The following POLH variants were observed in gnomAD, a reference collection of about 807,000 sequenced individuals.
POLH encodes DNA polymerase eta transcript.
POLH carries 53 observed loss-of-function variants against 73.6 expected under a neutral mutation model. That is an observed-to-expected ratio of 0.72 (90% CI 0.58 to 0.91). POLH has a LOEUF of 0.91. Ranked by LOEUF, POLH falls within the 40% of genes least tolerant of loss-of-function variation. The pLI is 0.00. For synonymous variants in POLH, 292 were observed against 308.5 expected, an observed-to-expected ratio of 0.95 and a Z score of 0.56; for missense variants, 768 against 865.4, an observed-to-expected ratio of 0.89 and a Z score of 1.41.
intron 10 of POLH, 92 bp from the exon 11 acceptor site, chr6:43,613,568 A>G: frequency 9.3e-7 from 1 of 1,080,598 alleles, no homozygotes; most frequent in Non-Finnish European, 1.4e-6. Context: ...CCTATGGTGA[A>G]ATAAAACAGA....
chr6:43,604,818 T>C (rs1582309626), intron 8 of POLH, 80 bp downstream of exon 8: 1 of 1,449,692 alleles, frequency 6.9e-7, no homozygotes, highest in Non-Finnish European at 9.7e-7. Context: ...GAAGGTTTAA[T>C]AGGTTAGAGG....
At position 43,615,904 on chromosome 6, in the gene POLH, C is replaced by T. The variant is rs149324075; in HGVS notation, c.*1347C>T. Among the ~76,000 whole-genome samples, 2 of 152,064 alleles carry T rather than the reference C, an allele frequency of 1.3e-5. No homozygotes were observed. Among genetic ancestry groups the T allele is most frequent in the East Asian group, 2.0e-4 (1 of 5,068 alleles). Reference sequence around the variant, plus strand: ...GCCAGGATGGTCTCGATTGCTTGACCTCATGATCCGCCTGCCTCGACCTCC... The same window carrying T: ...GCCAGGATGGTCTCGATTGCTTGACTTCATGATCCGCCTGCCTCGACCTCC... On this transcript the variant is annotated 3_prime_UTR_variant, in exon 11 of 11. Coordinates refer to ENST00000372236, the MANE Select transcript of POLH (RefSeq NM_006502.3).
rs1764948624 is a variant in POLH at position 43,587,416 on chromosome 6, A to T, written c.417A>T (p.Ala139=). The T allele has an allele frequency of 2.5e-6, 4 of 1,614,234 alleles. No homozygotes were observed. The highest frequency in any genetic ancestry group is 3.4e-6 in the Non-Finnish European group (4 of 1,180,032). Residue 139 remains alanine, a synonymous_variant, in exon 4 of 11, where the codon GCA becomes GCT. Coordinates refer to ENST00000372236, the MANE Select transcript of POLH (RefSeq NM_006502.3). ...LQKLQGQPIS[A]DLLPSTYIEG... is the part of the protein sequence containing the mutation. ...AGCTACAAGGTCAGCCTATCTCGGC[A>T]GACTTGTTGCCAAGCACTTACATTG...
intron 6 of POLH, among the ~76,000 whole-genome samples, chr6:43,603,148 C>T (rs1012670538): frequency 2.0e-5 from 3 of 151,798 alleles, no homozygotes; most frequent in Non-Finnish European, 4.4e-5. Context: ...AGCACAGGCA[C>T]ATGCCACCAT....
At chr6:43,602,746 T>A (rs1167667751) in intron 6 of POLH, among the ~76,000 whole-genome samples, 1 of 151,294 alleles carries the variant, frequency 6.6e-6, no homozygotes, top group East Asian at 2.0e-4. Context: ...TGGCTCACTG[T>A]AGCCTCCACC....
rs920714516 is a variant in POLH, at chr6:43,617,496, G to A, written c.*2939G>A. Reference sequence around the variant, plus strand: ...ACAAAAATTAGGTGTGTGTGGTGACGCATGCGTGTAATCCCAGCTACTTAG... The same window carrying A: ...ACAAAAATTAGGTGTGTGTGGTGACACATGCGTGTAATCCCAGCTACTTAG... On this transcript the variant is annotated 3_prime_UTR_variant, in exon 11 of 11. Coordinates refer to ENST00000372236, the MANE Select transcript of POLH (RefSeq NM_006502.3). Among the ~76,000 whole-genome samples, 2 of 151,950 alleles carry A rather than the reference G, an allele frequency of 1.3e-5. No individual in the cohort carries two copies. The highest frequency in any genetic ancestry group is 1.9e-4 in the East Asian group (1 of 5,164).
chr6:43,583,211 G>T, intron 3 of POLH, 70 bp downstream of exon 3: 1 of 1,421,092 alleles, frequency 7.0e-7, no homozygotes, highest in Non-Finnish European at 9.9e-7. Flanking sequence ...CTAGGAACTG[G>T]TGTTTTGAAT....
Position 43,612,056 on chromosome 6 carries a change from CCAA to C in POLH, c.1244+1349_1244+1351del, listed in dbSNP as rs966030217. On this transcript the variant is annotated intron_variant, in intron 10 of 10. Coordinates refer to ENST00000372236, the MANE Select transcript of POLH (RefSeq NM_006502.3). Reference sequence around the variant, plus strand: ...GGGCAACAAGAGCGAAATTCCGTCTCCAACAACAACAACAACAAATAAATAAAT... The same window carrying C: ...GGGCAACAAGAGCGAAATTCCGTCTCCAACAACAACAACAAATAAATAAAT... Among the ~76,000 whole-genome samples the C allele has an allele frequency of 1.3e-4, 20 of 151,850 alleles. No homozygotes were observed. The South Asian group carries it at 2.7e-3, about 21-fold the overall frequency.
intron 4 of POLH, among the ~76,000 whole-genome samples, chr6:43,589,643 T>G (rs1765221258): frequency 6.6e-6 from 1 of 151,874 alleles, no homozygotes; most frequent in Non-Finnish European, 1.5e-5. Context: ...TTGTCTTTTT[T>G]TTTTTTTTGA....
rs1768173295 is a variant in POLH at position 43,614,216 on chromosome 6, A to G, written c.1801A>G (p.Ser601Gly). The G allele has an allele frequency of 6.2e-7, 1 of 1,612,304 alleles. No individual in the cohort carries two copies. Among genetic ancestry groups the G allele is most frequent in the Non-Finnish European group, 8.5e-7 (1 of 1,178,484 alleles). Reference sequence around the variant, plus strand: ...TGCAGAGATGGATTTGGCCCACAACAGCCAAAGCATGCACGCCTCTTCAGC... The same window carrying G: ...TGCAGAGATGGATTTGGCCCACAACGGCCAAAGCATGCACGCCTCTTCAGC... ...TPAEMDLAHN[S>G]QSMHASSASK... Residue 601 changes from serine to glycine, a missense_variant, in exon 11 of 11, where the codon AGC becomes GGC. By Grantham distance (56) the Ser-to-Gly change is moderately conservative. Transcript: ENST00000372236.
At chr6:43,609,232 C>T (rs1311795020) in intron 9 of POLH, among the ~76,000 whole-genome samples, 4 of 152,146 alleles carry the variant, frequency 2.6e-5, no homozygotes, top group African/African-American at 7.2e-5. Context: ...TCTATAGTTC[C>T]TACTACAACA....
intron 4 of POLH, among the ~76,000 whole-genome samples, chr6:43,588,930 C>T (rs1429263618): frequency 2.0e-5 from 3 of 151,908 alleles, no homozygotes; most frequent in African/African-American, 7.3e-5. Context: ...CTCCGCCTCC[C>T]GGGTTCACGC....
Position 43,617,842 on chromosome 6 carries a change from C to T in POLH, c.*3285C>T, listed in dbSNP as rs1233106930. On this transcript the variant is annotated 3_prime_UTR_variant, in exon 11 of 11. Coordinates refer to ENST00000372236, the MANE Select transcript of POLH (RefSeq NM_006502.3). Reference sequence around the variant, plus strand: ...AGGCTGAGGCAGAAGAATTGCTTGACCTGGGAGGCGGAGCTTGCAGTGAGC... The same window carrying T: ...AGGCTGAGGCAGAAGAATTGCTTGATCTGGGAGGCGGAGCTTGCAGTGAGC... Among the ~76,000 whole-genome samples, 3 of 152,156 alleles carry T rather than the reference C, an allele frequency of 2.0e-5. No homozygotes were observed. The highest frequency in any genetic ancestry group is 4.4e-5 in the Non-Finnish European group (3 of 68,002).
intron 6 of POLH, among the ~76,000 whole-genome samples, chr6:43,603,151 G>A (rs1048230195): frequency 7.9e-5 from 12 of 151,216 alleles, no homozygotes; most frequent in African/African-American, 2.9e-4. Flanking sequence ...ACAGGCACAT[G>A]CCACCATGCC....
At chr6:43,594,445 G>A (rs900318917) in intron 4 of POLH, among the ~76,000 whole-genome samples, 2 of 152,102 alleles carry the variant, frequency 1.3e-5, no homozygotes, top group African/African-American at 2.4e-5. Flanking sequence ...CCTTTTGGCC[G>A]GGCACAGTGG....
intron 4 of POLH, among the ~76,000 whole-genome samples, chr6:43,589,076 G>A (rs1470708064): frequency 2.0e-5 from 3 of 152,032 alleles, no homozygotes; most frequent in Non-Finnish European, 4.4e-5. Context: ...CTGACCTTGT[G>A]ATCCGCCCGC....
chr6:43,604,486 C>G, intron 7 of POLH, 129 bp from the exon 8 acceptor site: 5 of 1,007,274 alleles, frequency 5.0e-6, no homozygotes, highest in Non-Finnish European at 7.6e-6. Context: ...GTCCGGTACA[C>G]TAAATTTTGG....
intron 6 of POLH, among the ~76,000 whole-genome samples, chr6:43,601,622 C>T (rs1766743669): frequency 6.6e-6 from 1 of 151,702 alleles, no homozygotes; most frequent in Admixed American, 6.6e-5. Flanking sequence ...GATACTTAAT[C>T]CTGAATTAAA....
At chr6:43,591,271 TC>T (rs1765429425) in intron 4 of POLH, 1 of 152,212 alleles carries the variant, frequency 6.6e-6, no homozygotes, top group Non-Finnish European at 1.5e-5. Flanking sequence ...AGAAAGGTGT[TC>T]TTTGGTCTTA....
Sources: gnomAD v4.1 joint callset for allele counts (sites outside exome capture counted in the v4.1 genomes callset) on GRCh38, gnomAD v4.1.1 for gene constraint, MANE v1.5 for transcripts, NCBI Gene and HGNC (gene_info 2026-07-23, HGNC 2026-07-21) for gene names.